Variants in SLC1A2 observed in about 807,000 individuals in gnomAD.
SLC1A2 encodes excitatory amino acid transporter 2.
In SLC1A2, 15 loss-of-function variants were observed where a neutral mutation model predicts 48.8. That is an observed-to-expected ratio of 0.31 (90% CI 0.21 to 0.47). The LOEUF (loss-of-function observed/expected upper bound fraction) is 0.47. Among genes scored for constraint, SLC1A2 ranks in the 20% least tolerant of loss-of-function variants. The pLI is 0.99. For synonymous variants in SLC1A2, 279 were observed against 272.6 expected (o/e 1.02, Z -0.23); for missense variants, 502 against 730.5 (o/e 0.69, Z 3.61).
chr11:35,346,750 C>T (rs1565263644), intron 1 of SLC1A2, among the ~76,000 whole-genome samples: 1 of 152,214 alleles, frequency 6.6e-6, no homozygotes, highest in Non-Finnish European at 1.5e-5. Context: ...AAAGGGCTTT[C>T]TCAGTGAAAT....
intron 6 of SLC1A2, among the ~76,000 whole-genome samples, chr11:35,297,034 G>GAA (rs561833127): frequency 6.8e-6 from 1 of 147,714 alleles, no homozygotes; most frequent in African/African-American, 2.5e-5. Flanking sequence ...TTTATTGAAT[G>GAA]AAAAAAAAAA....
chr11:35,359,242 C>T (rs1320443), intron 1 of SLC1A2, among the ~76,000 whole-genome samples: 2 of 152,086 alleles, frequency 1.3e-5, no homozygotes, highest in Admixed American at 6.5e-5. Flanking sequence ...AAGACACTAA[C>T]ATTAGAACCT....
At chr11:35,347,893 T>C (rs1418268555) in intron 1 of SLC1A2, among the ~76,000 whole-genome samples, 1 of 152,228 alleles carries the variant, frequency 6.6e-6, no homozygotes, top group African/African-American at 2.4e-5. Context: ...GTTAAATGAA[T>C]ACATTTGTTC....
intron 1 of SLC1A2, among the ~76,000 whole-genome samples, chr11:35,340,299 G>A (rs569744017): frequency 6.6e-6 from 1 of 152,332 alleles, no homozygotes; most frequent in Non-Finnish European, 1.5e-5. Context: ...GTCCATCTGG[G>A]CACTGCTGGA....
intron 1 of SLC1A2, among the ~76,000 whole-genome samples, chr11:35,406,069 AG>A (rs544204841): frequency 3.4e-4 from 52 of 152,348 alleles, no homozygotes; most frequent in African/African-American, 1.0e-3. Context: ...ATACCAGGAT[AG>A]TGAACAGACA....
chr11:35,313,721 G>T (rs12786603), intron 3 of SLC1A2, among the ~76,000 whole-genome samples: 4,117 of 152,246 alleles, frequency 0.027, 93 homozygotes, highest in Admixed American at 0.045. Context: ...ATTTTCTCTG[G>T]TTTATAGAGG....
chr11:35,257,418 C>G lies in SLC1A2; in HGVS notation c.*3476G>C, dbSNP rs1284671581. 6.6e-6 allele frequency: 1 copy of G among 152,174 alleles called. No homozygotes were observed. Among genetic ancestry groups the G allele is most frequent in the African/African-American group, 2.4e-5 (1 of 41,426 alleles). 9.4% of individuals were successfully genotyped at this position (152,174 alleles called of 1,614,324 possible). A position where few individuals can be genotyped will look rare whatever the true frequency, so the allele number is the denominator to read the frequency against. ...TACAGGGTATGGTAACTTCCGCAGA[C>G]AGCAAAACCATAGGCTGTGTTTCTA... On this transcript the variant is annotated 3_prime_UTR_variant, in exon 11 of 11. Transcript: ENST00000278379.
At position 35,256,523 on chromosome 11, in the gene SLC1A2, G is replaced by A. The variant is rs886583576; in HGVS notation, c.*4371C>T. 3.9e-5 allele frequency: 6 copies of A among 152,460 alleles called. No individual in the cohort carries two copies. The highest frequency in any genetic ancestry group is 2.4e-5 in the African/African-American group (1 of 41,390). 9.4% of individuals were successfully genotyped at this position (152,460 alleles called of 1,614,324 possible). A position where few individuals can be genotyped will look rare whatever the true frequency, so the allele number is the denominator to read the frequency against. ...GATTGGCACTCAGTGATCCCTCTAG[G>A]CTTAACCAGAAATTACTACAGATAC... is the stretch of plus-strand genomic sequence containing the variant. On this transcript the variant is annotated 3_prime_UTR_variant, in exon 11 of 11. Coordinates refer to ENST00000278379, the MANE Select transcript of SLC1A2 (RefSeq NM_004171.4).
At chr11:35,357,764 AC>A (rs1853534269) in intron 1 of SLC1A2, among the ~76,000 whole-genome samples, 1 of 152,240 alleles carries the variant, frequency 6.6e-6, no homozygotes, top group Non-Finnish European at 1.5e-5. Context: ...TATAAGAGTG[AC>A]CATTAGGACA....
At chr11:35,296,392 C>A (rs894904416) in intron 6 of SLC1A2, among the ~76,000 whole-genome samples, 2 of 152,180 alleles carry the variant, frequency 1.3e-5, no homozygotes, top group African/African-American at 4.8e-5. Context: ...TTTCCCAATC[C>A]ATTTAGGGAT....
intron 9 of SLC1A2, among the ~76,000 whole-genome samples, chr11:35,280,128 C>T (rs1325110314): frequency 6.6e-6 from 1 of 152,184 alleles, no homozygotes; most frequent in African/African-American, 2.4e-5. Context: ...CTCTATCCCC[C>T]TATACCTGGC....
At chr11:35,371,880 G>T (rs1158679410) in intron 1 of SLC1A2, among the ~76,000 whole-genome samples, 1 of 152,238 alleles carries the variant, frequency 6.6e-6, no homozygotes, top group African/African-American at 2.4e-5. Context: ...ACCTGATCTT[G>T]AAATTCACTC....
intron 4 of SLC1A2, among the ~76,000 whole-genome samples, chr11:35,311,301 A>G (rs1220562444): frequency 1.3e-5 from 2 of 152,148 alleles, no homozygotes; most frequent in Admixed American, 6.5e-5. Flanking sequence ...CTGGGATTAC[A>G]GGCATGCGCC....
intron 9 of SLC1A2, among the ~76,000 whole-genome samples, chr11:35,272,922 A>G (rs751938578): frequency 6.6e-6 from 1 of 152,158 alleles, no homozygotes; most frequent in Non-Finnish European, 1.5e-5. Context: ...TGAAAGAAAA[A>G]CAAGTACCAA....
rs1009936194 is a variant in SLC1A2, at chr11:35,251,304, T to C, written c.*9590A>G. 2.0e-5 allele frequency: 3 copies of C among 152,662 alleles called. No individual in the cohort carries two copies. The highest frequency in any genetic ancestry group is 6.5e-5 in the Admixed American group (1 of 15,282). The allele number at this position is 152,662 out of a possible 1,614,324, so 9.5% of individuals were successfully genotyped here. The stretch of plus-strand genomic sequence containing the variant: ...CAGGTTATTTCCAGTATATAAAGAA[T>C]ATCCAGTTATTTTACACGTGAAATG... On this transcript the variant is annotated 3_prime_UTR_variant, in exon 11 of 11. Coordinates refer to ENST00000278379, the MANE Select transcript of SLC1A2 (RefSeq NM_004171.4).
intron 6 of SLC1A2, among the ~76,000 whole-genome samples, chr11:35,294,807 G>C (rs1851121290): frequency 6.6e-6 from 1 of 152,146 alleles, no homozygotes; most frequent in African/African-American, 2.4e-5. Flanking sequence ...GTTTACCTCT[G>C]GGGCACTTAG....
intron 1 of SLC1A2, among the ~76,000 whole-genome samples, chr11:35,375,263 T>G (rs1015917249): frequency 6.6e-6 from 1 of 152,202 alleles, no homozygotes; most frequent in Non-Finnish European, 1.5e-5. Flanking sequence ...TACCAAGACA[T>G]TGAAGCCCAG....
intron 5 of SLC1A2, 149 bp downstream of exon 5, chr11:35,305,925 C>G (rs1014895314): frequency 6.4e-6 from 4 of 624,360 alleles, no homozygotes; most frequent in South Asian, 6.3e-5. Flanking sequence ...TCGCTCAGCT[C>G]TCAGTCCCAG....
intron 1 of SLC1A2, among the ~76,000 whole-genome samples, chr11:35,330,403 TA>T (rs1174708774): frequency 6.6e-6 from 1 of 152,154 alleles, no homozygotes; most frequent in African/African-American, 2.4e-5. Context: ...AATTTCACAG[TA>T]GAGAAAGAAG....
Sources: allele counts gnomAD v4.1 joint callset (sites outside exome capture counted in the v4.1 genomes callset), GRCh38; gene constraint gnomAD v4.1.1; transcripts MANE v1.5; gene names NCBI Gene and HGNC (gene_info 2026-07-23, HGNC 2026-07-21).